The following SUPT16H variants were observed in gnomAD, a reference collection of about 807,000 sequenced individuals.
The protein encoded by SUPT16H is SPT16 homolog, facilitates chromatin remodeling subunit, also known as FACT complex subunit SPT16.
Under a neutral mutation model 136.2 loss-of-function variants are expected in SUPT16H, and 24 were observed. The observed-to-expected ratio is 0.18, with a 90% CI of 0.13 to 0.25. The LOEUF (loss-of-function observed/expected upper bound fraction) is 0.25. SUPT16H is among the 10% of genes least tolerant of loss of function. The pLI is 1.00. For synonymous variants in SUPT16H, 415 were observed against 428.2 expected, an observed-to-expected ratio of 0.97 and a Z score of 0.38; for missense variants, 623 against 1,270.2, an observed-to-expected ratio of 0.49 and a Z score of 7.74.
At chr14:21,365,898 G>A (rs1330707855) in intron 8 of SUPT16H, among the ~76,000 whole-genome samples, 1 of 152,020 alleles carries the variant, frequency 6.6e-6, no homozygotes, top group Non-Finnish European at 1.5e-5. Context: ...AGCCCACGAG[G>A]TCAAGACCAG....
intron 6 of SUPT16H, 139 bp downstream of exon 6, chr14:21,369,064 CA>C: frequency 3.3e-6 from 3 of 908,374 alleles, no homozygotes; most frequent in Non-Finnish European, 3.2e-6. Flanking sequence ...GATGGACACC[CA>C]AGATAATGAC....
chr14:21,358,104 A>G (rs1332229534), intron 20 of SUPT16H, 102 bp from the exon 21 acceptor site: 2 of 1,085,268 alleles, frequency 1.8e-6, no homozygotes, highest in South Asian at 1.4e-5. Flanking sequence ...CAGCTCCAGC[A>G]TACTCACTGG....
In SUPT16H at chr14:21,380,208, T is replaced by C. The variant is rs7143670; in HGVS notation, c.66+3654A>G. Among the ~76,000 whole-genome samples the C allele has an allele frequency of 6.9e-3, 1,042 of 152,108 alleles. 12 individuals carry two copies. The highest frequency in any genetic ancestry group is 0.023 in the African/African-American group (971 of 41,488). Reference sequence around the variant, plus strand: ...TACATAGGCTATGCAAATATGCCATTTTGTTATCAGAGACTTGAGCATCCT... The same window carrying C: ...TACATAGGCTATGCAAATATGCCATCTTGTTATCAGAGACTTGAGCATCCT... On this transcript the variant is annotated intron_variant, in intron 1 of 25. Transcript: ENST00000216297.
In SUPT16H at chr14:21,362,180, T is replaced by A. The variant is rs1190873628; in HGVS notation, c.1793+17A>T. The A allele has an allele frequency of 6.2e-7, 1 of 1,609,824 alleles. No homozygotes were observed. The highest frequency in any genetic ancestry group is 1.7e-5 in the Admixed American group (1 of 59,388). Reference sequence around the variant, plus strand: ...CAGACAAGATGAATCTGGGTATGACTTTTCTTGGGGACTCACATTTCCTTG... The same window carrying A: ...CAGACAAGATGAATCTGGGTATGACATTTCTTGGGGACTCACATTTCCTTG... On this transcript the variant is annotated intron_variant, in intron 15 of 25. Coordinates refer to ENST00000216297, the MANE Select transcript of SUPT16H (RefSeq NM_007192.4).
intron 8 of SUPT16H, 113 bp from the exon 9 acceptor site, chr14:21,365,256 T>C: frequency 1.0e-6 from 1 of 1,004,816 alleles, no homozygotes; most frequent in Non-Finnish European, 1.5e-6. Context: ...TTTGAAATGA[T>C]TTACCCCTGC....
At position 21,353,477 on chromosome 14, in the gene SUPT16H, T is replaced by A; in HGVS notation, c.2998+11A>T. ...AGACAAATGAATAAAAAACAACACATTTTTAAAAACCTTTTCGGGCTTCTT... is the reference window on the plus strand; with the variant it reads ...AGACAAATGAATAAAAAACAACACAATTTTAAAAACCTTTTCGGGCTTCTT... On this transcript the variant is annotated intron_variant, in intron 25 of 25. Transcript: ENST00000216297. The A allele has an allele frequency of 1.2e-6, 2 of 1,612,076 alleles. No homozygotes were observed. Among genetic ancestry groups the A allele is most frequent in the South Asian group, 2.2e-5 (2 of 90,750 alleles).
At chr14:21,383,640 G>A in intron 1 of SUPT16H, 1 of 709,840 alleles carries the variant, frequency 1.4e-6, no homozygotes, top group South Asian at 1.5e-5. Context: ...GCTGGCACGC[G>A]GGGAAGATGG....
intron 1 of SUPT16H, chr14:21,383,558 A>C: frequency 2.9e-6 from 2 of 685,048 alleles, no homozygotes; most frequent in Non-Finnish European, 5.3e-6. Context: ...GTGACCACGG[A>C]GTAGGAGGGA....
At position 21,383,977 on chromosome 14, in the gene SUPT16H, G is replaced by C. The variant is rs367784722; in HGVS notation, c.-50C>G. 2.5e-6 allele frequency: 4 copies of C among 1,608,156 alleles called. No individual in the cohort carries two copies. The highest frequency in any genetic ancestry group is 2.2e-5 in the East Asian group (1 of 44,852). The stretch of plus-strand genomic sequence containing the variant: ...GGTTCCGAGAATCACGCGAGGTCCC[G>C]GCTCAGCCACCCGCTCTCGGCCCAG... On this transcript the variant is annotated 5_prime_UTR_variant, in exon 1 of 26. Coordinates refer to ENST00000216297, the MANE Select transcript of SUPT16H (RefSeq NM_007192.4).
intron 14 of SUPT16H, 139 bp downstream of exon 14, chr14:21,362,655 C>CA (rs764919149): frequency 1.9e-5 from 19 of 1,014,340 alleles, no homozygotes; most frequent in Non-Finnish European, 2.7e-5. Flanking sequence ...AATGACAAGA[C>CA]AAGAGGGATG....
intron 22 of SUPT16H, 32 bp downstream of exon 22, chr14:21,357,165 C>T (rs371405776): frequency 1.6e-4 from 247 of 1,521,774 alleles, no homozygotes; most frequent in Non-Finnish European, 2.1e-4. Context: ...GGCTCATGGG[C>T]TAAATGGGAG....
Position 21,352,772 on chromosome 14 carries a change from A to T in SUPT16H, c.3045T>A (p.Ser1015Arg), listed in dbSNP as rs1481279879. 1.2e-6 allele frequency: 2 copies of T among 1,613,942 alleles called. No homozygotes were observed. The highest frequency in any genetic ancestry group is 4.5e-5 in the East Asian group (2 of 44,874). ...RYEEEEEQSR[S>R]MSRKRKASVH... ...CAGATGCCTTCCTCTTCCGGCTCAT[A>T]CTTCGACTTTGTTCTTCTTCTTCCT... is the stretch of plus-strand genomic sequence containing the variant. The change falls in exon 26 of 26, where the codon AGT (serine) becomes AGA (arginine). Residue 1015 changes from serine to arginine, a missense_variant. By Grantham distance (110) the Ser-to-Arg change is moderately radical. Transcript: ENST00000216297.
rs761768961 is a variant in SUPT16H at position 21,358,446 on chromosome 14, T to C, written c.2302-19A>G. 5.8e-6 allele frequency: 9 copies of C among 1,540,890 alleles called. No individual in the cohort carries two copies. In the South Asian group the frequency reaches 1.0e-4, roughly 17 times the overall value. On this transcript the variant is annotated intron_variant, in intron 19 of 25. Coordinates refer to ENST00000216297, the MANE Select transcript of SUPT16H (RefSeq NM_007192.4). Reference sequence around the variant, plus strand: ...GTTCCATCTGTAGAAGAAAAAAATATCAAATACAGCCATCACATTTGTTAA... The same window carrying C: ...GTTCCATCTGTAGAAGAAAAAAATACCAAATACAGCCATCACATTTGTTAA...
intron 1 of SUPT16H, among the ~76,000 whole-genome samples, chr14:21,375,280 G>C (rs907440732): frequency 2.0e-5 from 3 of 151,860 alleles, no homozygotes; most frequent in Admixed American, 6.6e-5. Context: ...CTCCTGAAGT[G>C]CTGGGATTAC....
chr14:21,367,723 G>C (rs1886702158), intron 7 of SUPT16H, among the ~76,000 whole-genome samples: 1 of 152,206 alleles, frequency 6.6e-6, no homozygotes, highest in South Asian at 2.1e-4. Context: ...TCTGGACACA[G>C]AGGGCCTAAC....
In SUPT16H at chr14:21,357,366, G is replaced by A; in HGVS notation, c.2491C>T (p.Pro831Ser). 6.3e-7 allele frequency: 1 copy of A among 1,578,356 alleles called. No homozygotes were observed. The stretch of plus-strand genomic sequence containing the variant: ...TCATCCAATGTCACCACAAAAGGTG[G>A]CTGTCAGGGAGAAACTGAATCATTA... Reference protein sequence around the residue: ...SSALVNATEWPPFVVTLDEVE... With the variant: ...SSALVNATEWSPFVVTLDEVE... The change falls in exon 22 of 26, where the codon CCA becomes TCA. Residue 831 changes from proline (P) to serine (S), a missense_variant and splice_region_variant. Pro to Ser is a moderately conservative substitution (Grantham distance 74). Coordinates refer to ENST00000216297, the MANE Select transcript of SUPT16H (RefSeq NM_007192.4).
At chr14:21,360,113 C>T (rs1054158777) in intron 18 of SUPT16H, among the ~76,000 whole-genome samples, 8 of 152,074 alleles carry the variant, frequency 5.3e-5, no homozygotes, top group Non-Finnish European at 1.0e-4. Flanking sequence ...CTGCAACTTC[C>T]GCCTCCCAGG....
chr14:21,355,663 C>T (rs1886417790), intron 22 of SUPT16H, among the ~76,000 whole-genome samples: 1 of 151,796 alleles, frequency 6.6e-6, no homozygotes, highest in Admixed American at 6.6e-5. Context: ...TTCCCAGTAC[C>T]TAAAGTGCCC....
chr14:21,377,712 C>T (rs961515267), intron 1 of SUPT16H, among the ~76,000 whole-genome samples: 4 of 152,056 alleles, frequency 2.6e-5, no homozygotes, highest in African/African-American at 9.7e-5. Context: ...TGGCCTCTGC[C>T]TCCTGGGTTC....
Sources: gnomAD v4.1 joint callset for allele counts (sites outside exome capture counted in the v4.1 genomes callset) on GRCh38, gnomAD v4.1.1 for gene constraint, MANE v1.5 for transcripts, NCBI Gene and HGNC (gene_info 2026-07-23, HGNC 2026-07-21) for gene names.